Variants in COL26A1 observed in about 807,000 individuals in gnomAD.
COL26A1 encodes collagen type XXVI alpha 1 chain, also known as collagen alpha-1(XXVI) chain.
In COL26A1, 41 loss-of-function variants were observed where a neutral mutation model predicts 59.3. The observed-to-expected ratio is 0.69, with a 90% CI of 0.54 to 0.90. The LOEUF (loss-of-function observed/expected upper bound fraction) is 0.90. Among genes scored for constraint, COL26A1 ranks in the 40% least tolerant of loss-of-function variants. The pLI, the probability that COL26A1 is intolerant of heterozygous loss-of-function variation, is 0.00. For synonymous variants in COL26A1, 266 were observed against 256.0 expected, an observed-to-expected ratio of 1.04 and a Z score of -0.37; for missense variants, 612 against 602.3, an observed-to-expected ratio of 1.02 and a Z score of -0.17.
intron 1 of COL26A1, among the ~76,000 whole-genome samples, chr7:101,404,754 T>C (rs1217057307): frequency 6.6e-6 from 1 of 151,978 alleles, no homozygotes; most frequent in African/African-American, 2.4e-5. Flanking sequence ...GTGCGAAAAT[T>C]AGCTAAGTGT....
chr7:101,487,146 G>T (rs1794286446), intron 3 of COL26A1, among the ~76,000 whole-genome samples: 1 of 152,204 alleles, frequency 6.6e-6, no homozygotes, highest in South Asian at 2.1e-4. Context: ...GGCAGCACCA[G>T]TGTTTCTGGG....
chr7:101,445,439 G>C (rs1033783941), intron 2 of COL26A1, among the ~76,000 whole-genome samples: 2 of 151,930 alleles, frequency 1.3e-5, no homozygotes, highest in Admixed American at 6.6e-5. Flanking sequence ...TTGGGATTAA[G>C]AGAGTGAGGG....
chr7:101,495,053 T>C (rs1372815314), intron 3 of COL26A1, among the ~76,000 whole-genome samples: 1 of 152,186 alleles, frequency 6.6e-6, no homozygotes, highest in East Asian at 1.9e-4. Flanking sequence ...TGACCTGATA[T>C]TATTCTGGCC....
chr7:101,420,174 T>C, intron 2 of COL26A1, 75 bp downstream of exon 2: 1 of 1,556,660 alleles, frequency 6.4e-7, no homozygotes, highest in Non-Finnish European at 8.8e-7. Context: ...AGGATGGCTC[T>C]GGGAGAGGCT....
At chr7:101,415,148 AC>A (rs66481106) in intron 1 of COL26A1, among the ~76,000 whole-genome samples, 146 of 142,494 alleles carry the variant, frequency 1.0e-3, no homozygotes, top group East Asian at 1.7e-3. Flanking sequence ...CCTGATCATA[AC>A]CCCCCCCCTT....
chr7:101,524,591 A>G (rs964714372), intron 3 of COL26A1, among the ~76,000 whole-genome samples: 1 of 152,148 alleles, frequency 6.6e-6, no homozygotes, highest in South Asian at 2.1e-4. Context: ...ATCCATGAAC[A>G]TAGTATATCT....
chr7:101,523,838 T>A (rs1396318068), intron 3 of COL26A1, among the ~76,000 whole-genome samples: 1 of 152,198 alleles, frequency 6.6e-6, no homozygotes, highest in African/African-American at 2.4e-5. Flanking sequence ...CTTGGACATT[T>A]GTATTTTCAT....
At chr7:101,390,155 T>TTTTTTG (rs1791692998) in intron 1 of COL26A1, among the ~76,000 whole-genome samples, 1 of 113,236 alleles carries the variant, frequency 8.8e-6, no homozygotes, top group Admixed American at 8.5e-5. Context: ...AGGGTTTTTT[T>TTTTTTG]TTTTTTTTTT....
At position 101,557,811 on chromosome 7, in the gene COL26A1, T is replaced by A; in HGVS notation, c.*281T>A. ...TGGGTGCTGGGAATGAGAATAATCC[T>A]AATACCCATCATTTATTGAGTCCCT... is the stretch of plus-strand genomic sequence containing the variant. On this transcript the variant is annotated 3_prime_UTR_variant, in exon 13 of 13. Transcript: ENST00000313669. 1 of 355,978 alleles carries A rather than the reference T, an allele frequency of 2.8e-6. No homozygotes were observed. The highest frequency in any genetic ancestry group is 5.1e-6 in the Non-Finnish European group (1 of 196,790). The allele number at this position is 355,978 out of a possible 1,614,324, so 22.1% of individuals were successfully genotyped here.
At chr7:101,439,103 T>C (rs1384517029) in intron 2 of COL26A1, among the ~76,000 whole-genome samples, 1 of 152,092 alleles carries the variant, frequency 6.6e-6, no homozygotes, top group African/African-American at 2.4e-5. Context: ...GCAGACAGAC[T>C]CTAGGAGGAC....
intron 3 of COL26A1, among the ~76,000 whole-genome samples, chr7:101,455,024 C>T (rs973725336): frequency 3.4e-5 from 5 of 148,462 alleles, no homozygotes; most frequent in African/African-American, 1.2e-4. Flanking sequence ...ATATCTAAAA[C>T]AAAATTTTTT....
rs185357921 is a variant in COL26A1 at position 101,475,459 on chromosome 7, A to T, written c.385+27672A>T. On this transcript the variant is annotated intron_variant, in intron 3 of 12. Transcript: ENST00000313669. ...CTGTTTTCTCAAACACCAACATACC[A>T]TATTTAGGGGTACAGTGTCCTGAGC... is the stretch of plus-strand genomic sequence containing the variant. Among the ~76,000 whole-genome samples the T allele has an allele frequency of 6.6e-5, 10 of 152,098 alleles. No individual in the cohort carries two copies. In the East Asian group the frequency reaches 1.9e-3, roughly 29 times the overall value.
At chr7:101,413,058 T>G (rs567069586) in intron 1 of COL26A1, among the ~76,000 whole-genome samples, 10 of 152,294 alleles carry the variant, frequency 6.6e-5, no homozygotes, top group Admixed American at 6.5e-4. Context: ...ACTTAGCACT[T>G]GTTTTCTCTA....
At chr7:101,396,222 C>T (rs1051246935) in intron 1 of COL26A1, among the ~76,000 whole-genome samples, 4 of 151,926 alleles carry the variant, frequency 2.6e-5, no homozygotes, top group Non-Finnish European at 5.9e-5. Flanking sequence ...GAGCCGAGAT[C>T]GCACCACTGC....
chr7:101,399,385 A>C (rs1164236232), intron 1 of COL26A1, among the ~76,000 whole-genome samples: 1 of 152,074 alleles, frequency 6.6e-6, no homozygotes, highest in Non-Finnish European at 1.5e-5. Context: ...TTTCTGAAGC[A>C]CGATCTCAGC....
Position 101,499,058 on chromosome 7 carries a change from C to T in COL26A1, c.386-34024C>T, listed in dbSNP as rs117308746. 4.2e-3 allele frequency among the ~76,000 whole-genome samples: 634 copies of T among 152,330 alleles called. 4 individuals are homozygous for T. Among genetic ancestry groups the T allele is most frequent in the Middle Eastern group, 6.8e-3 (2 of 294 alleles). ...TGGAGCCATTCGGCCTCAATGCTTT[C>T]CAGATTGGGGGCGCGAGGCATAGCC... On this transcript the variant is annotated intron_variant, in intron 3 of 12. Coordinates refer to ENST00000313669, the MANE Select transcript of COL26A1 (RefSeq NM_001278563.3).
At chr7:101,434,416 G>A (rs1393026089) in intron 2 of COL26A1, among the ~76,000 whole-genome samples, 1 of 151,380 alleles carries the variant, frequency 6.6e-6, no homozygotes, top group Non-Finnish European at 1.5e-5. Flanking sequence ...ACCACGCTTG[G>A]TTAATTTCTT....
At chr7:101,456,823 G>A (rs1793484799) in intron 3 of COL26A1, among the ~76,000 whole-genome samples, 1 of 152,160 alleles carries the variant, frequency 6.6e-6, no homozygotes, top group African/African-American at 2.4e-5. Context: ...GCCCACAGAT[G>A]TTAAATGTAC....
At chr7:101,387,778 A>ATTTTTTTTTTT (rs1554404085) in intron 1 of COL26A1, among the ~76,000 whole-genome samples, 1 of 84,834 alleles carries the variant, frequency 1.2e-5, no homozygotes, top group African/African-American at 5.0e-5. Context: ...ATATATATAT[A>ATTTTTTTTTTT]TTTTTTTTTA....
Sources: gnomAD v4.1 joint callset for allele counts (sites outside exome capture counted in the v4.1 genomes callset) on GRCh38, gnomAD v4.1.1 for gene constraint, MANE v1.5 for transcripts, NCBI Gene and HGNC (gene_info 2026-07-23, HGNC 2026-07-21) for gene names.